Variants in KIDINS220 observed in about 807,000 individuals in gnomAD.
KIDINS220 encodes kinase D-interacting substrate of 220 kDa.
Under a neutral mutation model 157.6 loss-of-function variants are expected in KIDINS220, and 63 were observed. The ratio of observed to expected loss-of-function variants is 0.40; its 90% confidence interval spans 0.33 to 0.49. The LOEUF (loss-of-function observed/expected upper bound fraction) is 0.49, where lower values mean the gene tolerates loss of function less well. Among genes scored for constraint, KIDINS220 ranks in the 20% least tolerant of loss-of-function variants. KIDINS220 has a pLI of 0.66. For missense variants in KIDINS220, 1,772 were observed against 2,171.2 expected (o/e 0.82, Z 3.65); for synonymous variants, 732 against 783.6 (o/e 0.93, Z 1.10).
intron 4 of KIDINS220, among the ~76,000 whole-genome samples, chr2:8,815,092 T>C (rs1484710405): frequency 6.6e-6 from 1 of 152,154 alleles, no homozygotes; most frequent in African/African-American, 2.4e-5. Context: ...TAACATCATG[T>C]CCTCACTTCA....
At position 8,730,374 on chromosome 2, in the gene KIDINS220, T is replaced by C; in HGVS notation, c.*346A>G. On this transcript the variant is annotated 3_prime_UTR_variant, in exon 30 of 30. Coordinates refer to ENST00000256707, the MANE Select transcript of KIDINS220 (RefSeq NM_020738.4). ...TGTTTGCAAAAAGGGTCTCTAGCTT[T>C]TTTTCTTTTTGGCACATTAAGCCCT... 4 of 1,041,304 alleles carry C rather than the reference T, an allele frequency of 3.8e-6. No individual in the cohort carries two copies. The highest frequency in any genetic ancestry group is 3.5e-6 in the Non-Finnish European group (3 of 867,282). 64.5% of individuals were successfully genotyped at this position (1,041,304 alleles called of 1,614,324 possible).
intron 17 of KIDINS220, among the ~76,000 whole-genome samples, chr2:8,781,406 A>C (rs1671713122): frequency 6.6e-6 from 1 of 151,914 alleles, no homozygotes; most frequent in Non-Finnish European, 1.5e-5. Flanking sequence ...ACCATCAATC[A>C]ACTGGCTATA....
At chr2:8,757,855 T>A (rs1451797986) in intron 22 of KIDINS220, 1 of 1,328,470 alleles carries the variant, frequency 7.5e-7, no homozygotes, top group Non-Finnish European at 1.1e-6. Flanking sequence ...GAATTCTGTA[T>A]GTTTTCTTTG....
chr2:8,818,800 A>G lies in KIDINS220; in HGVS notation c.109-7T>C. The G allele has an allele frequency of 6.5e-7, 1 of 1,538,898 alleles. No homozygotes were observed. Among genetic ancestry groups the G allele is most frequent in the Non-Finnish European group, 8.9e-7 (1 of 1,126,080 alleles). Reference sequence around the variant, plus strand: ...TCAGTGGAGTCTGGCCACACTAGAGAATATAAAAGACAAAGGGAACTTATC... The same window carrying G: ...TCAGTGGAGTCTGGCCACACTAGAGGATATAAAAGACAAAGGGAACTTATC... On this transcript the variant is annotated splice_polypyrimidine_tract_variant and splice_region_variant and intron_variant, in intron 2 of 29. Transcript: ENST00000256707.
intron 8 of KIDINS220, among the ~76,000 whole-genome samples, chr2:8,801,944 T>C (rs567357366): frequency 1.3e-5 from 2 of 152,108 alleles, no homozygotes; most frequent in Non-Finnish European, 2.9e-5. Flanking sequence ...GATTAAGTAG[T>C]TGAAGACCTT....
At chr2:8,760,703 A>G (rs1668636463) in intron 22 of KIDINS220, among the ~76,000 whole-genome samples, 1 of 152,222 alleles carries the variant, frequency 6.6e-6, no homozygotes, top group African/African-American at 2.4e-5. Context: ...TCCAATTTTA[A>G]TATTCTTCAG....
In KIDINS220 at chr2:8,803,134, A is replaced by G; in HGVS notation, c.604-7T>C. ...TAAGTGCAGTCATTGAATTCTAAAA[A>G]CAACAACAACAAAAACAAAACAAAA... On this transcript the variant is annotated splice_region_variant and splice_polypyrimidine_tract_variant and intron_variant, in intron 7 of 29. Transcript: ENST00000256707. 6.3e-7 allele frequency: 1 copy of G among 1,595,056 alleles called. No individual in the cohort carries two copies. Among genetic ancestry groups the G allele is most frequent in the Non-Finnish European group, 8.5e-7 (1 of 1,172,142 alleles).
At chr2:8,773,092 C>T (rs1670451832) in intron 21 of KIDINS220, among the ~76,000 whole-genome samples, 1 of 152,078 alleles carries the variant, frequency 6.6e-6, no homozygotes, top group African/African-American at 2.4e-5. Context: ...CAACATAGCA[C>T]TTTTAGGCAA....
At position 8,771,644 on chromosome 2, in the gene KIDINS220, C is replaced by A. The variant is rs370227026; in HGVS notation, c.2849-812G>T. 3.3e-5 allele frequency among the ~76,000 whole-genome samples: 5 copies of A among 152,028 alleles called. No individual in the cohort carries two copies. The East Asian group carries it at 9.6e-4, about 29-fold the overall frequency. Reference sequence around the variant, plus strand: ...ACTAAGATACCTATTTGTTTTAGTTCCAATATGAGTTATTCCTTTCCCTAC... The same window carrying A: ...ACTAAGATACCTATTTGTTTTAGTTACAATATGAGTTATTCCTTTCCCTAC... On this transcript the variant is annotated intron_variant, in intron 21 of 29. Transcript: ENST00000256707.
intron 22 of KIDINS220, among the ~76,000 whole-genome samples, chr2:8,752,656 T>A (rs1451141228): frequency 6.6e-6 from 1 of 152,100 alleles, no homozygotes; most frequent in African/African-American, 2.4e-5. Flanking sequence ...TACCACAGTT[T>A]CTCCTTTGCA....
intron 23 of KIDINS220, 151 bp downstream of exon 23, chr2:8,751,315 T>G: frequency 1.9e-6 from 1 of 534,968 alleles, no homozygotes; most frequent in Non-Finnish European, 3.2e-6. Flanking sequence ...CCAAGACTCC[T>G]AATCTTTAAT....
chr2:8,733,396 C>A (rs143441349), intron 29 of KIDINS220, 48 bp downstream of exon 29: 2 of 1,442,896 alleles, frequency 1.4e-6, no homozygotes, highest in Admixed American at 1.7e-5. Flanking sequence ...GTGAACTGAA[C>A]GGTGTGCTTA....
rs1664123012 is a variant in KIDINS220 at position 8,731,700 on chromosome 2, C to T, written c.4336G>A (p.Gly1446Arg). ...CTCTTCATTAGAAAGGACTTCCTCC[C>T]ATCATCGGGCTTTGGTTCACTATCC... is the stretch of plus-strand genomic sequence containing the variant. ...GKDSEPKPDD[G>R]RKSFLMKRGD... is the part of the protein sequence containing the mutation. Residue 1446 changes from glycine (G) to arginine (R), a missense_variant, in exon 30 of 30, where the codon GGG becomes AGG. By Grantham distance (125) the Gly-to-Arg change is moderately radical (BLOSUM62 -2). Coordinates refer to ENST00000256707, the MANE Select transcript of KIDINS220 (RefSeq NM_020738.4). This position sits in a 1 kb window ranked among gnomAD's most constrained non-coding sequence, Gnocchi z 5.2. 6.2e-7 allele frequency: 1 copy of T among 1,614,204 alleles called. No homozygotes were observed. Among genetic ancestry groups the T allele is most frequent in the Non-Finnish European group, 8.5e-7 (1 of 1,180,036 alleles).
At chr2:8,776,566 A>G (rs1347220549) in intron 21 of KIDINS220, among the ~76,000 whole-genome samples, 182 bp downstream of exon 21, 2 of 152,250 alleles carry the variant, frequency 1.3e-5, no homozygotes, top group African/African-American at 4.8e-5. Context: ...AGTTGATAAT[A>G]TCAGTTGACT....
At chr2:8,749,287 T>C in intron 24 of KIDINS220, 1 of 377,650 alleles carries the variant, frequency 2.6e-6, no homozygotes, top group South Asian at 2.0e-5. Flanking sequence ...GTTTAGGCAC[T>C]AGGCTTCTAT....
chr2:8,736,339 A>G (rs1266053093), intron 27 of KIDINS220, among the ~76,000 whole-genome samples: 2 of 152,260 alleles, frequency 1.3e-5, no homozygotes, highest in Non-Finnish European at 2.9e-5. Context: ...CTTAGAAGAA[A>G]AAAAAACTAT....
intron 17 of KIDINS220, among the ~76,000 whole-genome samples, chr2:8,784,224 A>C (rs555873485): frequency 6.6e-6 from 1 of 152,252 alleles, no homozygotes; most frequent in East Asian, 1.9e-4. Flanking sequence ...AGGAAGCAAG[A>C]AAGCAAGCAA....
intron 2 of KIDINS220, 146 bp from the exon 3 acceptor site, chr2:8,818,939 A>T: frequency 2.3e-6 from 1 of 430,348 alleles, no homozygotes; most frequent in Non-Finnish European, 4.2e-6. Context: ...AACAGCTTTG[A>T]ACTTTAAGTT....
chr2:8,802,941 T>C lies in KIDINS220; in HGVS notation c.790A>G (p.Ile264Val), dbSNP rs1429379520. The change falls in exon 8 of 30, where the codon ATA becomes GTA. Residue 264 changes from isoleucine to valine, a missense_variant. Physicochemically the swap from Ile to Val is conservative, Grantham distance 29. Coordinates refer to ENST00000256707, the MANE Select transcript of KIDINS220 (RefSeq NM_020738.4). ...DLLDAGTYVN[I>V]PDRSGDTVLI... Reference sequence around the variant, plus strand: ...AATAGATGACCTACCCTGTCAGGTATGTTCACATATGTTCCAGCGTCGAGC... The same window carrying C: ...AATAGATGACCTACCCTGTCAGGTACGTTCACATATGTTCCAGCGTCGAGC... 3 of 1,613,756 alleles carry C rather than the reference T, an allele frequency of 1.9e-6. No individual in the cohort carries two copies. The highest frequency in any genetic ancestry group is 1.7e-5 in the Admixed American group (1 of 59,986).
Sources: gnomAD v4.1 joint callset for allele counts (sites outside exome capture counted in the v4.1 genomes callset) on GRCh38, gnomAD v4.1.1 for gene constraint, Gnocchi (gnomAD v3.1) non-coding constraint, MANE v1.5 for transcripts, NCBI Gene and HGNC (gene_info 2026-07-23, HGNC 2026-07-21) for gene names.